SMIM14: variants seen among roughly 807,000 people sequenced by gnomAD.
SMIM14 encodes small integral membrane protein 14, also known as chromosome 4 open reading frame 34.
A neutral mutation model predicts 12.6 loss-of-function variants in SMIM14; 5 were observed. That is an observed-to-expected ratio of 0.40 (90% CI 0.21 to 0.83). The LOEUF is 0.83. SMIM14 is among the 40% of genes least tolerant of loss of function. The pLI, the probability that SMIM14 is intolerant of heterozygous loss-of-function variation, is 0.37. For synonymous variants in SMIM14, 30 were observed against 40.1 expected (o/e 0.75, Z 0.95); for missense variants, 86 against 119.1 (o/e 0.72, Z 1.29).
At chr4:39,608,344 T>C (rs1714893877) in intron 1 of SMIM14, among the ~76,000 whole-genome samples, 2 of 152,170 alleles carry the variant, frequency 1.3e-5, no homozygotes, top group South Asian at 4.1e-4. Flanking sequence ...GATACTTGTT[T>C]ACCAAATATT....
At chr4:39,621,327 A>AG (rs938964116) in intron 1 of SMIM14, among the ~76,000 whole-genome samples, 1 of 148,752 alleles carries the variant, frequency 6.7e-6, no homozygotes, top group African/African-American at 2.4e-5. Context: ...CAAAAGAATT[A>AG]GGGGAAAAAA....
In SMIM14 at chr4:39,576,658, GTGTA is replaced by G. The variant is rs1250084967; in HGVS notation, c.76-4199_76-4196del. Among the ~76,000 whole-genome samples, 305 of 40,408 alleles carry G rather than the reference GTGTA, an allele frequency of 7.5e-3. 11 individuals are homozygous for G. The highest frequency in any genetic ancestry group is 0.013 in the Admixed American group (28 of 2,164). The allele number at this position is 40,408 out of a possible 152,430, so 26.5% of individuals were successfully genotyped here. On this transcript the variant is annotated intron_variant, in intron 2 of 4. Transcript: ENST00000295958. The stretch of plus-strand genomic sequence containing the variant: ...AACTTATACCTATGTGTGTGTGTAT[GTGTA>G]TATATATATATATATATATATATTT...
At chr4:39,553,386 G>T (rs1711833100) in intron 4 of SMIM14, among the ~76,000 whole-genome samples, 1 of 151,678 alleles carries the variant, frequency 6.6e-6, no homozygotes, top group African/African-American at 2.4e-5. Flanking sequence ...TCTAAGTCAG[G>T]TTATTAAGAG....
At chr4:39,616,936 A>C (rs1452311442) in intron 1 of SMIM14, among the ~76,000 whole-genome samples, 1 of 152,142 alleles carries the variant, frequency 6.6e-6, no homozygotes, top group East Asian at 1.9e-4. Context: ...GGTTTTTAAA[A>C]GTATTTAGAA....
intron 2 of SMIM14, among the ~76,000 whole-genome samples, chr4:39,590,172 G>A (rs921279343): frequency 6.6e-6 from 1 of 151,958 alleles, no homozygotes; most frequent in Non-Finnish European, 1.5e-5. Flanking sequence ...CCAGCACTTT[G>A]GGGGGCCAAG....
At chr4:39,562,359 A>G (rs1029305010) in intron 3 of SMIM14, among the ~76,000 whole-genome samples, 31 of 152,022 alleles carry the variant, frequency 2.0e-4, no homozygotes, top group African/African-American at 7.5e-4. Context: ...CCAGGGTGGC[A>G]GAGACAGACC....
chr4:39,619,895 C>A (rs1185314389), intron 1 of SMIM14, among the ~76,000 whole-genome samples: 2 of 123,158 alleles, frequency 1.6e-5, no homozygotes, highest in Admixed American at 9.4e-5. Context: ...TTTTTAAGAG[C>A]AAGATAGGGA....
At chr4:39,581,518 CTT>C (rs1432369898) in intron 2 of SMIM14, among the ~76,000 whole-genome samples, 28 of 131,982 alleles carry the variant, frequency 2.1e-4, no homozygotes, top group Non-Finnish European at 2.7e-4. Flanking sequence ...TTTTCTTTTT[CTT>C]TTTTTTTTTT....
chr4:39,576,678 ATATATATTTTTTTTTTTT>A (rs1713202387), intron 2 of SMIM14, among the ~76,000 whole-genome samples: 1 of 29,926 alleles, frequency 3.3e-5, no homozygotes, highest in Non-Finnish European at 6.0e-5. Context: ...ATATATATAT[ATATATATTTTTTTTTTTT>A]TTTTTTTTTT....
At chr4:39,590,445 G>A (rs556934402) in intron 2 of SMIM14, among the ~76,000 whole-genome samples, 22 of 151,230 alleles carry the variant, frequency 1.5e-4, no homozygotes, top group Middle Eastern at 3.4e-3. Flanking sequence ...ATGATTAGAC[G>A]GGGATTTTGT....
In SMIM14 at chr4:39,619,754, TTATA is replaced by T. The variant is rs537905855; in HGVS notation, c.-35-14578_-35-14575del. ...TATATATATCAATAAATATAATTTATTATATATATATCAATAAATAATTTATTAT... is the reference window on the plus strand; with the variant it reads ...TATATATATCAATAAATATAATTTATTATATATCAATAAATAATTTATTAT... On this transcript the variant is annotated intron_variant, in intron 1 of 4. Transcript: ENST00000295958. 3.9e-4 allele frequency among the ~76,000 whole-genome samples: 53 copies of T among 135,366 alleles called. 1 individual carries two copies. The South Asian group carries it at 0.01, about 26-fold the overall frequency. 88.8% of individuals were successfully genotyped at this position (135,366 alleles called of 152,430 possible).
rs976446393 is a variant in SMIM14 at position 39,592,268 on chromosome 4, T to C, written c.75+12803A>G. On this transcript the variant is annotated intron_variant, in intron 2 of 4. Transcript: ENST00000295958. ...AGTCACAGAGATGGTCATTTGCCTCTTTTTTTTTTTTTTTTTTTAAGACAG... is the reference window on the plus strand; with the variant it reads ...AGTCACAGAGATGGTCATTTGCCTCCTTTTTTTTTTTTTTTTTTAAGACAG... Among the ~76,000 whole-genome samples the C allele has an allele frequency of 4.5e-4, 34 of 75,966 alleles. 1 individual carries two copies. Among genetic ancestry groups the C allele is most frequent in the Non-Finnish European group, 7.7e-4 (30 of 39,194 alleles). The allele number at this position is 75,966 out of a possible 152,430, so 49.8% of individuals were successfully genotyped here.
At chr4:39,581,159 C>T (rs1393710174) in intron 2 of SMIM14, among the ~76,000 whole-genome samples, 1 of 152,052 alleles carries the variant, frequency 6.6e-6, no homozygotes, top group African/African-American at 2.4e-5. Context: ...ATACCTTAGT[C>T]TTTAATATTT....
chr4:39,619,312 C>T (rs1715353703), intron 1 of SMIM14, among the ~76,000 whole-genome samples: 1 of 51,902 alleles, frequency 1.9e-5, no homozygotes, highest in Non-Finnish European at 3.2e-5. Context: ...TTCTATATAT[C>T]AATAAATATA....
chr4:39,587,008 G>T lies in SMIM14; in HGVS notation c.76-14545C>A, dbSNP rs184330747. On this transcript the variant is annotated intron_variant, in intron 2 of 4. Coordinates refer to ENST00000295958, the MANE Select transcript of SMIM14 (RefSeq NM_174921.3). ...ATATGGGCACTAATCCTATCACAAG[G>T]CCTCTACCCTCATGAACTCATTACC... Among the ~76,000 whole-genome samples the T allele has an allele frequency of 2.1e-4, 32 of 151,824 alleles. 1 individual carries two copies. The highest frequency in any genetic ancestry group is 7.5e-4 in the African/African-American group (31 of 41,334).
rs975868055 is a variant in SMIM14 at position 39,580,766 on chromosome 4, C to T, written c.76-8303G>A. On this transcript the variant is annotated intron_variant, in intron 2 of 4. Coordinates refer to ENST00000295958, the MANE Select transcript of SMIM14 (RefSeq NM_174921.3). Reference sequence around the variant, plus strand: ...GGTCTTGAACTCCTGACCTCATGATCCGCCCACCTCAGCCTCTCAAAGTGC... The same window carrying T: ...GGTCTTGAACTCCTGACCTCATGATTCGCCCACCTCAGCCTCTCAAAGTGC... 4.6e-5 allele frequency among the ~76,000 whole-genome samples: 7 copies of T among 152,176 alleles called. No homozygotes were observed. In the East Asian group the frequency reaches 1.3e-3, roughly 29 times the overall value.
intron 1 of SMIM14, among the ~76,000 whole-genome samples, chr4:39,628,720 CTT>C (rs541461723): frequency 7.4e-6 from 1 of 135,276 alleles, no homozygotes; most frequent in African/African-American, 2.7e-5. Flanking sequence ...AAATGTTTTT[CTT>C]TTTTTTTTTT....
At chr4:39,629,755 C>T (rs1715836152) in intron 1 of SMIM14, among the ~76,000 whole-genome samples, 1 of 152,110 alleles carries the variant, frequency 6.6e-6, no homozygotes, top group Non-Finnish European at 1.5e-5. Context: ...TCCGGAGCAG[C>T]TGAGCCCACA....
intron 2 of SMIM14, among the ~76,000 whole-genome samples, chr4:39,577,756 C>A (rs1395261817): frequency 6.6e-6 from 1 of 152,012 alleles, no homozygotes; most frequent in Non-Finnish European, 1.5e-5. Context: ...AAAATGAGTG[C>A]CTTTGTACAC....
Sources: allele counts gnomAD v4.1 joint callset (sites outside exome capture counted in the v4.1 genomes callset), GRCh38; gene constraint gnomAD v4.1.1; transcripts MANE v1.5; gene names NCBI Gene and HGNC (gene_info 2026-07-23, HGNC 2026-07-21).